The following SLC29A2 variants were observed in gnomAD, a reference collection of about 807,000 sequenced individuals.
SLC29A2 encodes the protein solute carrier family 29 member 2, also known as equilibrative nucleoside transporter 2.
SLC29A2 carries 37 observed loss-of-function variants against 48.8 expected under a neutral mutation model. The observed-to-expected ratio is 0.76, with a 90% CI of 0.58 to 1.00. SLC29A2 has a LOEUF of 1.00. SLC29A2 is among the 50% of genes least tolerant of loss of function. The pLI is 0.00. For synonymous variants in SLC29A2, 233 were observed against 261.7 expected, an observed-to-expected ratio of 0.89 and a Z score of 1.06; for missense variants, 533 against 578.6, an observed-to-expected ratio of 0.92 and a Z score of 0.81.
At chr11:66,371,411 G>A (rs1489857492) in intron 1 of SLC29A2, 86 bp from the exon 2 acceptor site, 2 of 1,541,688 alleles carry the variant, frequency 1.3e-6, no homozygotes, top group Non-Finnish European at 1.8e-6. Context: ...CTCCGGAGCG[G>A]ACTACAACCC....
At position 66,371,613 on chromosome 11, in the gene SLC29A2, TGG is replaced by T; in HGVS notation, c.-24_-23del. On this transcript the variant is annotated 5_prime_UTR_variant, in exon 1 of 12. Coordinates refer to ENST00000357440, the MANE Select transcript of SLC29A2 (RefSeq NM_001532.3). ...CCATGGCCGCCGCGGCGGATGCGCC[TGG>T]GGTGAAAGGGGCAGAGAAGCCGCAC... 6.5e-7 allele frequency: 1 copy of T among 1,545,170 alleles called. No individual in the cohort carries two copies. Among genetic ancestry groups the T allele is most frequent in the East Asian group, 2.4e-5 (1 of 41,254 alleles).
At chr11:66,371,965 T>A, upstream of SLC29A2, 1 of 325,364 alleles carries the variant, frequency 3.1e-6, no homozygotes, top group Admixed American at 5.0e-5. Context: ...CCCGGATCCC[T>A]GCGGCGGAGG....
intron 1 of SLC29A2, 75 bp from the exon 2 acceptor site, chr11:66,371,400 C>G (rs1481315570): frequency 1.3e-6 from 2 of 1,561,678 alleles, no homozygotes; most frequent in Non-Finnish European, 1.8e-6. Context: ...CAGGCCACCC[C>G]CTCCGGAGCG....
chr11:66,363,934 G>A (rs1268975711), intron 11 of SLC29A2, among the ~76,000 whole-genome samples: 1 of 141,950 alleles, frequency 7.0e-6, no homozygotes, highest in Admixed American at 7.7e-5. Flanking sequence ...TGGGCCCTGA[G>A]GGATGACAGT....
In SLC29A2 at chr11:66,369,436, A is replaced by G. The variant is rs768850070; in HGVS notation, c.208T>C (p.Trp70Arg). The G allele has an allele frequency of 1.2e-6, 2 of 1,613,964 alleles. No homozygotes were observed. Among genetic ancestry groups the G allele is most frequent in the Admixed American group, 3.3e-5 (2 of 60,002 alleles). ...GPEDAFNFNN[W>R]VTLLSQLPLL... Reference sequence around the variant, plus strand: ...GGCAGCTGGGACAGCAGCGTCACCCAATTGTTGAAGTTGAAGGCATCCTCG... The same window carrying G: ...GGCAGCTGGGACAGCAGCGTCACCCGATTGTTGAAGTTGAAGGCATCCTCG... The change falls in exon 3 of 12, where the codon TGG becomes CGG. Residue 70 changes from tryptophan (W) to arginine (R), a missense_variant. By Grantham distance (101) the Trp-to-Arg change is moderately radical (BLOSUM62 -3). Coordinates refer to ENST00000357440, the MANE Select transcript of SLC29A2 (RefSeq NM_001532.3).
Position 66,371,616 on chromosome 11 carries a change from G to C in SLC29A2, c.-25C>G. The C allele has an allele frequency of 6.5e-7, 1 of 1,544,966 alleles. No homozygotes were observed. Among genetic ancestry groups the C allele is most frequent in the Non-Finnish European group, 8.7e-7 (1 of 1,150,200 alleles). On this transcript the variant is annotated 5_prime_UTR_variant, in exon 1 of 12. Coordinates refer to ENST00000357440, the MANE Select transcript of SLC29A2 (RefSeq NM_001532.3). ...TGGCCGCCGCGGCGGATGCGCCTGGGGTGAAAGGGGCAGAGAAGCCGCACC... is the reference window on the plus strand; with the variant it reads ...TGGCCGCCGCGGCGGATGCGCCTGGCGTGAAAGGGGCAGAGAAGCCGCACC...
intron 1 of SLC29A2, 108 bp from the exon 2 acceptor site, chr11:66,371,433 G>A: frequency 6.6e-7 from 1 of 1,508,534 alleles, no homozygotes; most frequent in Non-Finnish European, 9.1e-7. Context: ...GATCACCCCG[G>A]TTCCGGCGGC....
chr11:66,365,071 T>G (rs1855601368), intron 10 of SLC29A2, among the ~76,000 whole-genome samples: 1 of 151,132 alleles, frequency 6.6e-6, no homozygotes, highest in Non-Finnish European at 1.5e-5. Flanking sequence ...CCACACCTGC[T>G]AATTGTTATC....
In SLC29A2 at chr11:66,371,671, A is replaced by C; in HGVS notation, c.-80T>G. 41 of 1,301,786 alleles carry C rather than the reference A, an allele frequency of 3.1e-5. No individual in the cohort carries two copies. Among genetic ancestry groups the C allele is most frequent in the Non-Finnish European group, 3.8e-5 (36 of 943,234 alleles). The allele number at this position is 1,301,786 out of a possible 1,614,324, so 80.6% of individuals were successfully genotyped here. Reference sequence around the variant, plus strand: ...CCTGCGCTGGGGCGGAGGGCCGCAGACCGGTGGGGCGGGGGGCGGGTCTCC... The same window carrying C: ...CCTGCGCTGGGGCGGAGGGCCGCAGCCCGGTGGGGCGGGGGGCGGGTCTCC... On this transcript the variant is annotated 5_prime_UTR_variant, in exon 1 of 12. Coordinates refer to ENST00000357440, the MANE Select transcript of SLC29A2 (RefSeq NM_001532.3).
In SLC29A2 at chr11:66,369,448, T is replaced by C; in HGVS notation, c.196A>G (p.Asn66Asp). The change falls in exon 3 of 12, where the codon AAC (asparagine) becomes GAC (aspartate). Residue 66 changes from asparagine (N) to aspartate (D), a missense_variant. By Grantham distance (23) the Asn-to-Asp change is conservative (BLOSUM62 1). Transcript: ENST00000357440. ...TNHTGPEDAF[N>D]FNNWVTLLSQ... ...AGCAGCGTCACCCAATTGTTGAAGT[T>C]GAAGGCATCCTCGGGACCCGTGTGG... 1.2e-6 allele frequency: 2 copies of C among 1,614,074 alleles called. No individual in the cohort carries two copies. The highest frequency in any genetic ancestry group is 3.3e-4 in the Middle Eastern group (2 of 6,062).
At chr11:66,371,804 C>G, upstream of SLC29A2, 1 of 574,188 alleles carries the variant, frequency 1.7e-6, no homozygotes, top group Non-Finnish European at 3.1e-6. Flanking sequence ...GAGGCGGGGA[C>G]AGAGGGTCGC....
At chr11:66,364,680 A>G (rs12577196) in intron 10 of SLC29A2, 243,977 of 378,902 alleles carry the variant, frequency 0.64, 82,863 homozygotes, top group South Asian at 0.81. Flanking sequence ...GATAATTTTT[A>G]TATTTTTAGT....
chr11:66,363,425 G>A lies in SLC29A2; in HGVS notation c.*11C>T, dbSNP rs1855485628. Reference sequence around the variant, plus strand: ...CGAGAAGAGGCTGCCAAAGAGCCTGGAGGGGCCACTTCAGAGCAGCGCCTT... The same window carrying A: ...CGAGAAGAGGCTGCCAAAGAGCCTGAAGGGGCCACTTCAGAGCAGCGCCTT... On this transcript the variant is annotated 3_prime_UTR_variant, in exon 12 of 12. Transcript: ENST00000357440. The A allele has an allele frequency of 1.9e-6, 3 of 1,592,448 alleles. No homozygotes were observed. The highest frequency in any genetic ancestry group is 1.1e-5 in the South Asian group (1 of 90,588).
chr11:66,369,719 A>T (rs1855924564), intron 2 of SLC29A2, among the ~76,000 whole-genome samples, 187 bp from the exon 3 acceptor site: 3 of 152,150 alleles, frequency 2.0e-5, no homozygotes, highest in Admixed American at 1.3e-4. Flanking sequence ...GAAGTCTGGG[A>T]CACAGCCTAA....
At position 66,371,572 on chromosome 11, in the gene SLC29A2, G is replaced by C; in HGVS notation, c.20C>G (p.Pro7Arg). 2 of 1,550,398 alleles carry C rather than the reference G, an allele frequency of 1.3e-6. No homozygotes were observed. The highest frequency in any genetic ancestry group is 1.7e-6 in the Non-Finnish European group (2 of 1,148,878). ...ACCCGGGCCCACTCACCTGTCCCGC[G>C]GGGCGTCTCCTCGCGCCATGGCCGC... is the stretch of plus-strand genomic sequence containing the variant. Reference protein sequence around the residue: MARGDAPRDSYHLVGIS... With the variant: MARGDARRDSYHLVGIS... The change falls in exon 1 of 12, where the codon CCG (proline) becomes CGG (arginine). Residue 7 changes from proline to arginine, a missense_variant. Coordinates refer to ENST00000357440, the MANE Select transcript of SLC29A2 (RefSeq NM_001532.3).
Position 66,367,872 on chromosome 11 carries a change from G to T in SLC29A2, c.551-3C>A. On this transcript the variant is annotated splice_region_variant and splice_polypyrimidine_tract_variant and intron_variant, in intron 5 of 11. Coordinates refer to ENST00000357440, the MANE Select transcript of SLC29A2 (RefSeq NM_001532.3). ...AGAGGTCTCGGCGTCCACGCCACCT[G>T]CGGAGGAACTTCAGCTGCAGAAGAG... is the stretch of plus-strand genomic sequence containing the variant. 1 of 1,613,518 alleles carries T rather than the reference G, an allele frequency of 6.2e-7. No homozygotes were observed. Among genetic ancestry groups the T allele is most frequent in the Non-Finnish European group, 8.5e-7 (1 of 1,179,572 alleles).
chr11:66,371,071 C>T (rs1261005925), intron 2 of SLC29A2, among the ~76,000 whole-genome samples, 173 bp downstream of exon 2: 1 of 152,150 alleles, frequency 6.6e-6, no homozygotes, highest in Non-Finnish European at 1.5e-5. Flanking sequence ...TGCTGAAGTT[C>T]TACTTTCCTA....
In SLC29A2 at chr11:66,367,602, A is replaced by G. The variant is rs923016606; in HGVS notation, c.649-54T>C. ...TGCCTGGCTTGCCTGAGGTGTCTGG[A>G]TCCCTCCCCATACCATTGGCCTGGA... On this transcript the variant is annotated intron_variant, in intron 6 of 11. Coordinates refer to ENST00000357440, the MANE Select transcript of SLC29A2 (RefSeq NM_001532.3). The G allele has an allele frequency of 4.4e-6, 7 of 1,583,626 alleles. No homozygotes were observed. In the African/African-American group the frequency reaches 9.4e-5, roughly 21 times the overall value.
chr11:66,371,935 T>G, upstream of SLC29A2: 1 of 377,152 alleles, frequency 2.7e-6, no homozygotes, highest in Non-Finnish European at 4.8e-6. Flanking sequence ...CAGCCCCCCG[T>G]CCTCTCCGCG....
Sources: allele counts gnomAD v4.1 joint callset (sites outside exome capture counted in the v4.1 genomes callset), GRCh38; gene constraint gnomAD v4.1.1; transcripts MANE v1.5; gene names NCBI Gene and HGNC (gene_info 2026-07-23, HGNC 2026-07-21).